The following TOM1 variants were observed in gnomAD, a reference collection of about 807,000 sequenced individuals.
TOM1 encodes the protein target of myb1 membrane trafficking protein.
TOM1 carries 38 observed loss-of-function variants against 61.3 expected under a neutral mutation model. That is an observed-to-expected ratio of 0.62 (90% CI 0.48 to 0.81). TOM1 has a LOEUF of 0.81. Among genes scored for constraint, TOM1 ranks in the 40% least tolerant of loss-of-function variants. TOM1 has a pLI of 0.00. For synonymous variants in TOM1, 270 were observed against 268.8 expected (o/e 1.00, Z -0.04); for missense variants, 591 against 659.6 (o/e 0.90, Z 1.14).
At chr22:35,316,184 C>T (rs138779) in intron 1 of TOM1, among the ~76,000 whole-genome samples, 76,324 of 152,222 alleles carry the variant, frequency 0.5, 22,665 homozygotes, top group Non-Finnish European at 0.66. Context: ...GCATGTGACA[C>T]TTGCAGGGGA....
chr22:35,323,118 A>G lies in TOM1; in HGVS notation c.307A>G (p.Ile103Val). 1 of 1,614,182 alleles carries G rather than the reference A, an allele frequency of 6.2e-7. No individual in the cohort carries two copies. Among genetic ancestry groups the G allele is most frequent in the Non-Finnish European group, 8.5e-7 (1 of 1,180,026 alleles). ...DFVESVLVRT[I>V]LPKNNPPTIV... ...CGTGGAGAGTGTGCTGGTGAGGACC[A>G]TCCTGCCCAAGAACAACCCACCCAC... Residue 103 changes from isoleucine (I) to valine (V), a missense_variant, in exon 4 of 15, where the codon ATC (isoleucine) becomes GTC (valine). Transcript: ENST00000449058. This position sits in a 1 kb window ranked among gnomAD's most constrained non-coding sequence, Gnocchi z 4.2.
chr22:35,317,416 G>T lies in TOM1; in HGVS notation c.53-461G>T, dbSNP rs1489630916. Among the ~76,000 whole-genome samples the T allele has an allele frequency of 2.0e-5, 3 of 152,130 alleles. No homozygotes were observed. In the East Asian group the frequency reaches 5.8e-4, roughly 29 times the overall value. On this transcript the variant is annotated intron_variant, in intron 1 of 14. Coordinates refer to ENST00000449058, the MANE Select transcript of TOM1 (RefSeq NM_005488.3). ...GTTGGTCAGGCTGGTCTCAACTCCT[G>T]ACCTCAGGTGATCCACCCACCTCAG... is the stretch of plus-strand genomic sequence containing the variant.
At chr22:35,309,809 G>A (rs906935481) in intron 1 of TOM1, among the ~76,000 whole-genome samples, 2 of 152,042 alleles carry the variant, frequency 1.3e-5, no homozygotes, top group African/African-American at 4.8e-5. Context: ...GCATTCTCAC[G>A]GTAGGAAGCA....
Position 35,317,780 on chromosome 22 carries a change from C to T in TOM1, c.53-97C>T. 3.5e-6 allele frequency: 3 copies of T among 847,664 alleles called. No homozygotes were observed. The South Asian group carries it at 4.1e-5, about 12-fold the overall frequency. The allele number at this position is 847,664 out of a possible 1,614,324, so 52.5% of individuals were successfully genotyped here. A position where few individuals can be genotyped will look rare whatever the true frequency, so the allele number is the denominator to read the frequency against. Reference sequence around the variant, plus strand: ...TGTCTGTCATCTTCCTCCTCCCCATCTCATCCGGCCCTGCACCCCCCTCCT... The same window carrying T: ...TGTCTGTCATCTTCCTCCTCCCCATTTCATCCGGCCCTGCACCCCCCTCCT... On this transcript the variant is annotated intron_variant, in intron 1 of 14. Transcript: ENST00000449058.
At chr22:35,303,592 G>A (rs954178845) in intron 1 of TOM1, among the ~76,000 whole-genome samples, 11 of 150,358 alleles carry the variant, frequency 7.3e-5, no homozygotes, top group African/African-American at 2.7e-4. Context: ...CTGCCCCCCA[G>A]GTTCAAGTGA....
intron 7 of TOM1, among the ~76,000 whole-genome samples, chr22:35,327,589 G>A (rs1437299674): frequency 6.6e-6 from 1 of 152,224 alleles, no homozygotes; most frequent in African/African-American, 2.4e-5. Context: ...TTTGAACAAA[G>A]TAGCCCCCCT....
Position 35,347,370 on chromosome 22 carries a change from GTGGAGGCAGTGGGATGAAC to G in TOM1, c.*165_*183del. The G allele has an allele frequency of 1.5e-6, 1 of 689,348 alleles. No homozygotes were observed. The allele number at this position is 689,348 out of a possible 1,614,324, so 42.7% of individuals were successfully genotyped here. A position where few individuals can be genotyped will look rare whatever the true frequency, so the allele number is the denominator to read the frequency against. Reference sequence around the variant, plus strand: ...AGCTGCCCCAGCTGTGGCTGGGGGTGTGGAGGCAGTGGGATGAACTGGGGGACAGGTCTGCGCTGCAGTG... The same window carrying G: ...AGCTGCCCCAGCTGTGGCTGGGGGTGTGGGGGACAGGTCTGCGCTGCAGTG... On this transcript the variant is annotated 3_prime_UTR_variant, in exon 15 of 15. Transcript: ENST00000449058.
chr22:35,346,869 CCCAGGCTGA>C (rs1235556857), intron 13 of TOM1, 52 bp from the exon 14 acceptor site: 1 of 1,526,756 alleles, frequency 6.5e-7, no homozygotes, highest in African/African-American at 1.4e-5. Context: ...GCACCACTGC[CCCAGGCTGA>C]CCGTACTGGG....
At position 35,323,937 on chromosome 22, in the gene TOM1, C is replaced by T. The variant is rs1022827145; in HGVS notation, c.648+23C>T. The T allele has an allele frequency of 7.2e-6, 11 of 1,530,564 alleles. No homozygotes were observed. The highest frequency in any genetic ancestry group is 1.4e-5 in the African/African-American group (1 of 72,394). The allele number at this position is 1,530,564 out of a possible 1,614,324, so 94.8% of individuals were successfully genotyped here. A position where few individuals can be genotyped will look rare whatever the true frequency, so the allele number is the denominator to read the frequency against. ...CAGGTAAACGAGCCTGGGGTCAGAA[C>T]CGTCAGGTCCAGGCAGGTGGGCCAC... is the stretch of plus-strand genomic sequence containing the variant. On this transcript the variant is annotated intron_variant, in intron 6 of 14. Transcript: ENST00000449058. The surrounding 1 kb of genome is among the most constrained non-coding windows in gnomAD (Gnocchi z 4.2).
chr22:35,328,305 G>C (rs527593511), intron 7 of TOM1, among the ~76,000 whole-genome samples: 166 of 152,342 alleles, frequency 1.1e-3, no homozygotes, highest in Non-Finnish European at 2.1e-3. Flanking sequence ...CCCAAGCCAA[G>C]GCCATGAGAT....
intron 12 of TOM1, among the ~76,000 whole-genome samples, chr22:35,341,293 G>A (rs986131817): frequency 2.0e-5 from 3 of 152,266 alleles, no homozygotes; most frequent in East Asian, 1.9e-4. Context: ...ACGGTATTAC[G>A]GCACTTACGC....
At position 35,330,294 on chromosome 22, in the gene TOM1, C is replaced by T. The variant is rs536912164; in HGVS notation, c.766-53C>T. ...TCCGTCTCACAAAAAAAAAAAGAGACGGCCTCACTCTGAGTCATGTGACTG... is the reference window on the plus strand; with the variant it reads ...TCCGTCTCACAAAAAAAAAAAGAGATGGCCTCACTCTGAGTCATGTGACTG... On this transcript the variant is annotated intron_variant, in intron 7 of 14. Coordinates refer to ENST00000449058, the MANE Select transcript of TOM1 (RefSeq NM_005488.3). The T allele has an allele frequency of 1.6e-4, 241 of 1,530,886 alleles. 2 individuals carry two copies. In the East Asian group the frequency reaches 5.2e-3, roughly 33 times the overall value. The allele number at this position is 1,530,886 out of a possible 1,614,324, so 94.8% of individuals were successfully genotyped here. A position where few individuals can be genotyped will look rare whatever the true frequency, so the allele number is the denominator to read the frequency against.
chr22:35,317,816 C>T (rs1357830149), intron 1 of TOM1, 61 bp from the exon 2 acceptor site: 45 of 1,316,958 alleles, frequency 3.4e-5, no homozygotes, highest in South Asian at 2.6e-4. Context: ...CTCCCACCCA[C>T]GGTTTGAGTT....
Position 35,330,422 on chromosome 22 carries a change from A to T in TOM1, c.841A>T (p.Thr281Ser). Residue 281 changes from threonine to serine, a missense_variant, in exon 8 of 15, where the codon ACA becomes TCA. Transcript: ENST00000449058. ...LIPQIANEQL[T>S]EELLIVNDNL... ...CCCTCAGATCGCCAATGAGCAGCTG[A>T]CAGAGGAGCTGCTCATCGTCAATGA... 6.2e-7 allele frequency: 1 copy of T among 1,613,346 alleles called. No homozygotes were observed.
chr22:35,333,565 C>T (rs942250524), intron 10 of TOM1, 68 bp downstream of exon 10: 21 of 1,436,838 alleles, frequency 1.5e-5, no homozygotes, highest in African/African-American at 2.8e-5. Flanking sequence ...TGCAGATTTT[C>T]GGGGTGCCCT....
Position 35,341,923 on chromosome 22 carries a change from T to C in TOM1, c.1224+3135T>C, listed in dbSNP as rs1929910966. On this transcript the variant is annotated intron_variant, in intron 12 of 14. Transcript: ENST00000449058. ...TGCTCCTGGGGTGCTGGAGTTTGGC[T>C]GGTGGTAAGGCCTTCACCCACTAAA... Among the ~76,000 whole-genome samples the C allele has an allele frequency of 2.0e-5, 3 of 152,180 alleles. No individual in the cohort carries two copies. The South Asian group carries it at 6.2e-4, about 32-fold the overall frequency.
At chr22:35,317,239 G>T (rs1443466528) in intron 1 of TOM1, among the ~76,000 whole-genome samples, 1 of 152,134 alleles carries the variant, frequency 6.6e-6, no homozygotes, top group Non-Finnish European at 1.5e-5. Flanking sequence ...TCGTTGTCCA[G>T]GCTGGAGTGT....
In TOM1 at chr22:35,322,908, A is replaced by G. The variant is rs1438907904; in HGVS notation, c.217-120A>G. 5.0e-6 allele frequency: 6 copies of G among 1,196,434 alleles called. No homozygotes were observed. The Admixed American group carries it at 1.5e-4, about 30-fold the overall frequency. 74.1% of individuals were successfully genotyped at this position (1,196,434 alleles called of 1,614,324 possible). ...CCACATTCAAGGGTCTCACTCCAGG[A>G]AGTCCCATCTCCTCTCCCGGGCCTC... On this transcript the variant is annotated intron_variant, in intron 3 of 14. Coordinates refer to ENST00000449058, the MANE Select transcript of TOM1 (RefSeq NM_005488.3).
intron 7 of TOM1, among the ~76,000 whole-genome samples, chr22:35,330,018 G>A (rs957316789): frequency 4.6e-5 from 7 of 152,166 alleles, no homozygotes; most frequent in Admixed American, 1.3e-4. Context: ...GGTGGCTCAC[G>A]CCTGTAATCC....
Sources: allele counts gnomAD v4.1 joint callset (sites outside exome capture counted in the v4.1 genomes callset), GRCh38; gene constraint gnomAD v4.1.1; non-coding constraint Gnocchi (gnomAD v3.1); transcripts MANE v1.5; gene names NCBI Gene and HGNC (gene_info 2026-07-23, HGNC 2026-07-21).